Variants in ENOX2 observed in about 807,000 individuals in gnomAD.
ENOX2 encodes APK1 antigen.
Under a neutral mutation model 45.0 loss-of-function variants are expected in ENOX2, and 36 were observed. The ratio of observed to expected loss-of-function variants is 0.80; its 90% CI spans 0.61 to 1.06. The LOEUF (loss-of-function observed/expected upper bound fraction) is 1.06, where lower values mean the gene tolerates loss of function less well. Among genes scored for constraint, ENOX2 ranks in the 50% least tolerant of loss-of-function variants. ENOX2 has a pLI of 0.00. For missense variants in ENOX2, 423 were observed against 462.5 expected, an observed-to-expected ratio of 0.91 and a Z score of 0.78; for synonymous variants, 174 against 152.3, an observed-to-expected ratio of 1.14 and a Z score of -1.05.
chrX:130,779,053 G>A, intron 3 of ENOX2, among the ~76,000 whole-genome samples: 1 of 113,010 alleles, frequency 8.8e-6, no homozygotes, highest in Admixed American at 9.3e-5. Flanking sequence ...TCATGAAAGA[G>A]TTGGTATTTC....
At chrX:130,790,685 C>T (rs2077030680) in intron 2 of ENOX2, among the ~76,000 whole-genome samples, 1 of 111,769 alleles carries the variant, frequency 8.9e-6, no homozygotes, top group Non-Finnish European at 1.9e-5. Flanking sequence ...TCACACTGCT[C>T]CTCCACCTGC....
At chrX:130,753,622 G>A (rs1326558578) in intron 3 of ENOX2, among the ~76,000 whole-genome samples, 1 of 111,234 alleles carries the variant, frequency 9.0e-6, no homozygotes, top group Non-Finnish European at 1.9e-5. Flanking sequence ...GAAAGCATGT[G>A]GTATTTATCT....
intron 2 of ENOX2, among the ~76,000 whole-genome samples, chrX:130,805,512 C>T (rs1302923066): frequency 1.8e-5 from 2 of 111,750 alleles, no homozygotes; most frequent in Admixed American, 9.5e-5. Flanking sequence ...AAATTGCTTT[C>T]GAGCCATGTG....
intron 3 of ENOX2, among the ~76,000 whole-genome samples, chrX:130,749,248 G>A (rs2039160750): frequency 8.9e-6 from 1 of 111,809 alleles, no homozygotes; most frequent in Admixed American, 9.5e-5. Context: ...TGAAAATAAT[G>A]TTAAACTTCT....
intron 3 of ENOX2, among the ~76,000 whole-genome samples, chrX:130,712,355 T>G (rs2038216095): frequency 9.0e-6 from 1 of 111,446 alleles, no homozygotes; most frequent in African/African-American, 3.3e-5. Flanking sequence ...AAATAGTAAT[T>G]GATCATAGCC....
chrX:130,674,873 G>GT (rs1368228164), intron 6 of ENOX2, among the ~76,000 whole-genome samples: 1 of 96,068 alleles, frequency 1.0e-5, no homozygotes, highest in African/African-American at 3.9e-5. Flanking sequence ...GCGGTGTTTG[G>GT]TTTTTTGTCC....
intron 2 of ENOX2, among the ~76,000 whole-genome samples, chrX:130,822,042 T>G (rs2077624000): frequency 1.2e-5 from 1 of 84,321 alleles, no homozygotes; most frequent in Admixed American, 1.7e-4. Flanking sequence ...CACTCCAGCC[T>G]GGGTGACAGA....
chrX:130,840,563 A>T (rs1245172093), intron 2 of ENOX2, among the ~76,000 whole-genome samples: 3 of 109,700 alleles, frequency 2.7e-5, no homozygotes, highest in African/African-American at 1.0e-4. Context: ...ATAAATAAAT[A>T]AAACAGTCTA....
chrX:130,688,863 T>C lies in ENOX2; in HGVS notation c.253A>G (p.Asn85Asp). Residue 85 changes from asparagine to aspartate, a missense_variant and splice_region_variant, in exon 5 of 15, where the codon AAT becomes GAT. By Grantham distance (23) the Asn-to-Asp change is conservative. Transcript: ENST00000394363. ...TGTGGAGAAAAAAGCAGAATATTAC[T>C]TGGATTTGGAGGGAAGAGCGTGCAG... ...KSCTLFPPNPNLPPPATRERP... is the reference protein window; with the variant it reads ...KSCTLFPPNPDLPPPATRERP... 1.7e-6 allele frequency: 2 copies of C among 1,186,677 alleles called. No individual in the cohort carries two copies. Among genetic ancestry groups the C allele is most frequent in the Non-Finnish European group, 2.3e-6 (2 of 878,635 alleles).
intron 8 of ENOX2, among the ~76,000 whole-genome samples, chrX:130,667,272 T>C (rs141535826): frequency 2.2e-3 from 249 of 111,942 alleles, no homozygotes; most frequent in Non-Finnish European, 3.5e-3. Context: ...TGTAGAAGTA[T>C]AGGATGTGGC....
intron 3 of ENOX2, among the ~76,000 whole-genome samples, chrX:130,726,321 T>C (rs1415547463): frequency 2.7e-5 from 3 of 112,224 alleles, no homozygotes; most frequent in African/African-American, 9.7e-5. Context: ...ATGGGTAGGA[T>C]TGATGACAAT....
intron 2 of ENOX2, among the ~76,000 whole-genome samples, chrX:130,809,689 T>C (rs1030136028): frequency 2.1e-4 from 23 of 111,631 alleles, no homozygotes; most frequent in Non-Finnish European, 3.2e-4. Flanking sequence ...GGGGTACATT[T>C]TTACTACAAG....
intron 2 of ENOX2, among the ~76,000 whole-genome samples, chrX:130,875,096 T>TA (rs1240992554): frequency 9.0e-6 from 1 of 111,708 alleles, no homozygotes; most frequent in Admixed American, 9.5e-5. Context: ...AAAGTAGTTT[T>TA]AAAAGGTATA....
chrX:130,845,482 C>T (rs1408647338), intron 2 of ENOX2, among the ~76,000 whole-genome samples: 2 of 112,219 alleles, frequency 1.8e-5, no homozygotes, highest in Non-Finnish European at 3.8e-5. Flanking sequence ...GTTTGTTTTT[C>T]GAGACAGAGT....
Position 130,625,107 on chromosome X carries a change from C to A in ENOX2, c.*207G>T, listed in dbSNP as rs1449128861. The A allele has an allele frequency of 2.6e-6, 1 of 381,490 alleles. No individual in the cohort carries two copies. The highest frequency in any genetic ancestry group is 4.5e-6 in the Non-Finnish European group (1 of 220,587). The allele number at this position is 381,490 out of a possible 1,213,427, so 31.4% of individuals were successfully genotyped here. ...TGACAGAAAGGGGAGGAAGTTACAG[C>A]ACTTGTGGTTTGAGGCAATTTCTCT... On this transcript the variant is annotated 3_prime_UTR_variant, in exon 15 of 15. Transcript: ENST00000394363.
chrX:130,757,768 C>T (rs1337815547), intron 3 of ENOX2, among the ~76,000 whole-genome samples: 1 of 110,145 alleles, frequency 9.1e-6, no homozygotes, highest in Non-Finnish European at 1.9e-5. Flanking sequence ...GGGTCTCACT[C>T]GGTTGCCCAA....
At chrX:130,853,413 G>A (rs1324729187) in intron 2 of ENOX2, among the ~76,000 whole-genome samples, 2 of 95,373 alleles carry the variant, frequency 2.1e-5, no homozygotes, top group African/African-American at 8.0e-5. Context: ...GCAGTGAGCC[G>A]AGATCGCGCC....
rs193037262 is a variant in ENOX2, at chrX:130,721,663, A to G, written c.-38-18409T>C. On this transcript the variant is annotated intron_variant, in intron 3 of 14. Coordinates refer to ENST00000394363, the MANE Select transcript of ENOX2 (RefSeq NM_006375.4). Reference sequence around the variant, plus strand: ...GAGAACTCTACCACTGCACACACACACTGTCCTGGACACAGTGGGGCAGCA... The same window carrying G: ...GAGAACTCTACCACTGCACACACACGCTGTCCTGGACACAGTGGGGCAGCA... Among the ~76,000 whole-genome samples, 6 of 111,696 alleles carry G rather than the reference A, an allele frequency of 5.4e-5. No homozygotes were observed. In the East Asian group the frequency reaches 1.7e-3, roughly 32 times the overall value.
At chrX:130,734,744 A>G (rs1452429527) in intron 3 of ENOX2, among the ~76,000 whole-genome samples, 8 of 112,331 alleles carry the variant, frequency 7.1e-5, no homozygotes, top group African/African-American at 2.6e-4. Flanking sequence ...TGATGGATCT[A>G]TAAGGAGAAT....
Sources: allele counts gnomAD v4.1 joint callset (sites outside exome capture counted in the v4.1 genomes callset), GRCh38; gene constraint gnomAD v4.1.1; transcripts MANE v1.5; gene names NCBI Gene and HGNC (gene_info 2026-07-23, HGNC 2026-07-21).